The following HMCN1 variants were observed in gnomAD, a reference collection of about 807,000 sequenced individuals.
HMCN1 encodes the protein hemicentin 1, also known as hemicentin-1.
HMCN1 carries 321 observed loss-of-function variants against 625.9 expected under a neutral mutation model. That is an observed-to-expected ratio of 0.51 (90% CI 0.47 to 0.56). The LOEUF (loss-of-function observed/expected upper bound fraction) is 0.56. Ranked by LOEUF, HMCN1 falls within the 20% of genes least tolerant of loss-of-function variation. The pLI is 0.00. For missense variants in HMCN1, 6,588 were observed against 6,887.3 expected (o/e 0.96, Z 1.54); for synonymous variants, 2,425 against 2,417.6 (o/e 1.00, Z -0.09).
At chr1:186,086,216 C>T (rs754407558) in intron 57 of HMCN1, 30 bp from the exon 58 acceptor site, 7 of 1,581,452 alleles carry the variant, frequency 4.4e-6, no homozygotes, top group Non-Finnish European at 6.1e-6. Context: ...ATAACACCTG[C>T]TTTCACTTTT....
intron 89 of HMCN1, among the ~76,000 whole-genome samples, chr1:186,143,472 G>A (rs1571412755): frequency 6.6e-6 from 1 of 152,118 alleles, no homozygotes; most frequent in Admixed American, 6.5e-5. Flanking sequence ...TCATTCTTGT[G>A]GTCCAATGAT....
intron 1 of HMCN1, among the ~76,000 whole-genome samples, chr1:185,821,602 T>C (rs1156734076): frequency 6.6e-6 from 1 of 152,084 alleles, no homozygotes; most frequent in Non-Finnish European, 1.5e-5. Flanking sequence ...ATTATACTCA[T>C]GTACTTGTAT....
At chr1:185,771,558 G>A (rs900184911) in intron 1 of HMCN1, among the ~76,000 whole-genome samples, 10 of 152,120 alleles carry the variant, frequency 6.6e-5, no homozygotes, top group African/African-American at 2.4e-4. Flanking sequence ...CTATTTGACT[G>A]TTAAATAAAC....
chr1:186,132,158 C>T (rs1442969624), intron 85 of HMCN1, among the ~76,000 whole-genome samples, 170 bp from the exon 86 acceptor site: 1 of 152,050 alleles, frequency 6.6e-6, no homozygotes, highest in East Asian at 1.9e-4. Flanking sequence ...TCTTCCTCCT[C>T]CTCCCTCCTT....
intron 30 of HMCN1, among the ~76,000 whole-genome samples, chr1:186,012,703 G>A (rs1344612856): frequency 6.6e-6 from 1 of 152,052 alleles, no homozygotes; most frequent in East Asian, 1.9e-4. Context: ...TAACAAATGA[G>A]CCTCTCAGAA....
At chr1:186,010,455 CGTAA>C (rs1653928212) in intron 30 of HMCN1, among the ~76,000 whole-genome samples, 1 of 152,068 alleles carries the variant, frequency 6.6e-6, no homozygotes, top group Non-Finnish European at 1.5e-5. Flanking sequence ...TTCTCATTTT[CGTAA>C]ATACAAACTT....
chr1:186,069,236 G>C (rs1227078943), intron 50 of HMCN1, among the ~76,000 whole-genome samples: 1 of 152,154 alleles, frequency 6.6e-6, no homozygotes, highest in African/African-American at 2.4e-5. Context: ...TTATATGTTG[G>C]TCAATTGAGA....
intron 4 of HMCN1, among the ~76,000 whole-genome samples, chr1:185,887,802 T>G (rs570103684): frequency 7.2e-6 from 1 of 139,258 alleles, no homozygotes; most frequent in Non-Finnish European, 1.6e-5. Context: ...GCATGATTTA[T>G]AGTCCTTTGG....
intron 36 of HMCN1, among the ~76,000 whole-genome samples, chr1:186,036,072 C>T (rs919762753): frequency 1.3e-4 from 20 of 152,026 alleles, no homozygotes; most frequent in Non-Finnish European, 1.2e-4. Context: ...GAATATAAAT[C>T]ATGTTGTTTT....
intron 3 of HMCN1, among the ~76,000 whole-genome samples, chr1:185,865,315 A>G (rs1187897668): frequency 6.6e-6 from 1 of 152,186 alleles, no homozygotes; most frequent in Admixed American, 6.5e-5. Flanking sequence ...TTTTTGCCTC[A>G]TGCTATTGGC....
At chr1:185,871,098 G>A (rs544846531) in intron 4 of HMCN1, among the ~76,000 whole-genome samples, 8 of 152,134 alleles carry the variant, frequency 5.3e-5, no homozygotes, top group Middle Eastern at 3.4e-3. Context: ...GCATGGTGGC[G>A]CATGCCTGTA....
At position 186,073,790 on chromosome 1, in the gene HMCN1, GA is replaced by G. The variant is rs559551707; in HGVS notation, c.8140-939del. Among the ~76,000 whole-genome samples the G allele has an allele frequency of 6.2e-3, 885 of 141,784 alleles. 9 individuals carry two copies. The highest frequency in any genetic ancestry group is 0.017 in the African/African-American group (654 of 38,884). 93.0% of individuals were successfully genotyped at this position (141,784 alleles called of 152,430 possible). ...ATGGATTGTGGGGCTCCCATGGGAT[GA>G]AAAAAAAAAAACTTAAAGAAAATTA... On this transcript the variant is annotated intron_variant, in intron 52 of 106. Coordinates refer to ENST00000271588, the MANE Select transcript of HMCN1 (RefSeq NM_031935.3).
intron 61 of HMCN1, 48 bp from the exon 62 acceptor site, chr1:186,088,097 A>G: frequency 1.2e-6 from 2 of 1,606,930 alleles, no homozygotes; most frequent in Non-Finnish European, 1.7e-6. Flanking sequence ...ATGAGGACAA[A>G]TGATTTTCTT....
At chr1:185,990,512 T>A (rs1652353711) in intron 22 of HMCN1, 69 bp downstream of exon 22, 16 of 1,332,782 alleles carry the variant, frequency 1.2e-5, no homozygotes, top group Non-Finnish European at 1.5e-5. Context: ...TGGCCATGCC[T>A]ATTCAGGTTA....
At chr1:185,966,901 G>A (rs913335828) in intron 14 of HMCN1, among the ~76,000 whole-genome samples, 2 of 152,058 alleles carry the variant, frequency 1.3e-5, no homozygotes, top group Non-Finnish European at 2.9e-5. Flanking sequence ...AAGCAAGGTG[G>A]AAACTAGGAA....
At chr1:185,961,843 A>G (rs1419893895) in intron 11 of HMCN1, among the ~76,000 whole-genome samples, 1 of 152,116 alleles carries the variant, frequency 6.6e-6, no homozygotes, top group African/African-American at 2.4e-5. Flanking sequence ...CTGTGCATGC[A>G]CGGACATGAG....
chr1:186,135,711 A>G (rs1036254462), intron 86 of HMCN1, among the ~76,000 whole-genome samples: 11 of 152,196 alleles, frequency 7.2e-5, no homozygotes, highest in African/African-American at 2.7e-4. Flanking sequence ...ACCCATACCA[A>G]TCCGTAACAA....
intron 36 of HMCN1, among the ~76,000 whole-genome samples, 182 bp from the exon 37 acceptor site, chr1:186,037,751 AT>A (rs1300192939): frequency 6.6e-6 from 1 of 152,144 alleles, no homozygotes; most frequent in African/African-American, 2.4e-5. Context: ...CAGAAAACTT[AT>A]TTACATTTTT....
chr1:186,184,873 C>T (rs564126035), intron 105 of HMCN1, among the ~76,000 whole-genome samples: 1 of 152,062 alleles, frequency 6.6e-6, no homozygotes, highest in East Asian at 1.9e-4. Context: ...TAATAGAAAC[C>T]AGACATCACA....
Sources: gnomAD v4.1 joint callset for allele counts (sites outside exome capture counted in the v4.1 genomes callset) on GRCh38, gnomAD v4.1.1 for gene constraint, MANE v1.5 for transcripts, NCBI Gene and HGNC (gene_info 2026-07-23, HGNC 2026-07-21) for gene names.